MACC1: variants seen among roughly 807,000 people sequenced by gnomAD.
The protein encoded by MACC1 is MET transcriptional regulator MACC1.
MACC1 carries 79 observed loss-of-function variants against 70.7 expected under a neutral mutation model. That is an observed-to-expected ratio of 1.12 (90% CI 0.93 to 1.35). The LOEUF is 1.35. Among genes scored for constraint, MACC1 ranks in the 40% most tolerant of loss-of-function variants. MACC1 has a pLI of 0.00. For synonymous variants in MACC1, 361 were observed against 347.2 expected (o/e 1.04, Z -0.44); for missense variants, 1,106 against 978.1 (o/e 1.13, Z -1.74).
intron 5 of MACC1, among the ~76,000 whole-genome samples, chr7:20,155,500 C>T (rs1444378263): frequency 1.3e-5 from 2 of 152,134 alleles, no homozygotes; most frequent in Non-Finnish European, 2.9e-5. Flanking sequence ...ACTCTACTCA[C>T]CTATTTGTCA....
In MACC1 at chr7:20,158,495, T is replaced by A. The variant is rs559459370; in HGVS notation, c.1866A>T (p.Val622=). 2.8e-4 allele frequency: 447 copies of A among 1,614,108 alleles called. 5 individuals are homozygous for A. The South Asian group carries it at 4.7e-3, about 17-fold the overall frequency. The change falls in exon 5 of 7, where the codon GTA becomes GTT. Residue 622 remains valine (V), a synonymous_variant. Coordinates refer to ENST00000400331, the MANE Select transcript of MACC1 (RefSeq NM_182762.4). ...TAAAGACACTATCTGACATAAACAT[T>A]ACTTGCTCCTTTGAAATCACCTTGA... ...KNVKVISKEQ[V]MFMSDSVFTT...
In MACC1 at chr7:20,159,020, C is replaced by G; in HGVS notation, c.1341G>C (p.Lys447Asn). ...IFSCDPDFEV[K>N]TEGERKEIKQ... ...TAATTTCTTTCCTTTCTCCTTCTGT[C>G]TTTACTTCAAAATCAGGATCACAGG... is the stretch of plus-strand genomic sequence containing the variant. Residue 447 changes from lysine (K) to asparagine (N), a missense_variant, in exon 5 of 7, where the codon AAG (lysine) becomes AAC (asparagine). Transcript: ENST00000400331. 6.2e-7 allele frequency: 1 copy of G among 1,613,950 alleles called. No homozygotes were observed. Among genetic ancestry groups the G allele is most frequent in the Non-Finnish European group, 8.5e-7 (1 of 1,179,996 alleles).
intron 1 of MACC1, among the ~76,000 whole-genome samples, chr7:20,172,237 A>G (rs188500925): frequency 9.8e-5 from 15 of 152,330 alleles, no homozygotes; most frequent in African/African-American, 2.9e-4. Context: ...ACGGGTTACA[A>G]GCAGGGTGAG....
chr7:20,170,016 T>A (rs1182532578), intron 2 of MACC1, among the ~76,000 whole-genome samples: 1 of 152,212 alleles, frequency 6.6e-6, no homozygotes, highest in Non-Finnish European at 1.5e-5. Flanking sequence ...AGTTGTGTCT[T>A]GGGACCCTGT....
At chr7:20,193,061 C>G (rs933714154) in intron 1 of MACC1, among the ~76,000 whole-genome samples, 1 of 152,018 alleles carries the variant, frequency 6.6e-6, no homozygotes, top group Non-Finnish European at 1.5e-5. Flanking sequence ...CTTTAGGCCC[C>G]GCAAAATAGA....
chr7:20,144,960 CAAG>C (rs1258066467), intron 6 of MACC1, among the ~76,000 whole-genome samples: 2 of 152,122 alleles, frequency 1.3e-5, no homozygotes, highest in Admixed American at 1.3e-4. Flanking sequence ...TTGCAAAAGC[CAAG>C]AAGTATAATA....
At chr7:20,156,040 C>A (rs1047450213) in intron 5 of MACC1, among the ~76,000 whole-genome samples, 26 of 152,094 alleles carry the variant, frequency 1.7e-4, no homozygotes, top group Non-Finnish European at 2.9e-5. Flanking sequence ...TTGTGAAAAT[C>A]AAATTGGATG....
intron 1 of MACC1, among the ~76,000 whole-genome samples, chr7:20,186,360 T>C (rs1281686188): frequency 6.6e-6 from 1 of 152,182 alleles, no homozygotes; most frequent in African/African-American, 2.4e-5. Context: ...CAATAATATG[T>C]TTACTAACTC....
intron 1 of MACC1, among the ~76,000 whole-genome samples, chr7:20,188,225 G>A (rs562313857): frequency 2.6e-5 from 4 of 152,256 alleles, no homozygotes; most frequent in African/African-American, 9.6e-5. Context: ...AGATTTGGGT[G>A]GGGACACAGA....
intron 6 of MACC1, among the ~76,000 whole-genome samples, chr7:20,150,126 G>C (rs114244287): frequency 0.026 from 3,903 of 152,230 alleles, 170 homozygotes; most frequent in African/African-American, 0.09. Context: ...TTGTCATCTA[G>C]TCCTATACTT....
intron 2 of MACC1, chr7:20,170,092 G>A (rs1247068833): frequency 6.6e-6 from 1 of 152,142 alleles, no homozygotes; most frequent in Non-Finnish European, 1.5e-5. Flanking sequence ...AGAGTGACTG[G>A]ACTCATCACA....
intron 1 of MACC1, among the ~76,000 whole-genome samples, chr7:20,200,454 T>A (rs1782817840): frequency 6.6e-6 from 1 of 152,184 alleles, no homozygotes; most frequent in Non-Finnish European, 1.5e-5. Context: ...TCCTACCAAT[T>A]TACTGGTCAT....
In MACC1 at chr7:20,177,761, T is replaced by A. The variant is rs566958053; in HGVS notation, c.-217-6983A>T. ...TGGTATTATATAAAATAATAATGCA[T>A]CTTACAGGGGAAGTCATAAATCCAA... On this transcript the variant is annotated intron_variant, in intron 1 of 6. Transcript: ENST00000400331. 7.3e-5 allele frequency among the ~76,000 whole-genome samples: 11 copies of A among 151,090 alleles called. No individual in the cohort carries two copies. In the South Asian group the frequency reaches 8.4e-4, roughly 11 times the overall value.
At chr7:20,153,253 T>A (rs941134084) in intron 6 of MACC1, 1 of 152,208 alleles carries the variant, frequency 6.6e-6, no homozygotes, top group Admixed American at 6.5e-5. Context: ...GACTCTACTT[T>A]TCATGCAAAG....
intron 1 of MACC1, among the ~76,000 whole-genome samples, chr7:20,188,722 C>T (rs974726755): frequency 3.9e-5 from 6 of 152,170 alleles, no homozygotes; most frequent in Non-Finnish European, 7.3e-5. Context: ...ATCAAGGTCA[C>T]CTCTGACATT....
chr7:20,209,189 G>T (rs1317875779), intron 1 of MACC1, among the ~76,000 whole-genome samples: 1 of 152,218 alleles, frequency 6.6e-6, no homozygotes. Context: ...TCCGCTCTGG[G>T]GCACTGCCCA....
intron 1 of MACC1, among the ~76,000 whole-genome samples, chr7:20,196,172 G>C (rs79048008): frequency 0.018 from 2,706 of 151,658 alleles, 84 homozygotes; most frequent in African/African-American, 0.061. Flanking sequence ...TAATTTTCAG[G>C]TTTTTTTTAA....
At chr7:20,164,070 G>A (rs895900898) in intron 3 of MACC1, among the ~76,000 whole-genome samples, 186 bp downstream of exon 3, 13 of 152,038 alleles carry the variant, frequency 8.6e-5, no homozygotes, top group African/African-American at 1.2e-4. Context: ...CAGAGTAGCC[G>A]GGATTACAGG....
intron 1 of MACC1, among the ~76,000 whole-genome samples, chr7:20,208,092 G>C (rs532361478): frequency 1.3e-5 from 2 of 152,280 alleles, no homozygotes; most frequent in East Asian, 3.9e-4. Flanking sequence ...CTTCCACCAT[G>C]ATTGTAAGCT....
Sources: allele counts gnomAD v4.1 joint callset (sites outside exome capture counted in the v4.1 genomes callset), GRCh38; gene constraint gnomAD v4.1.1; transcripts MANE v1.5; gene names NCBI Gene and HGNC (gene_info 2026-07-23, HGNC 2026-07-21).